The following TPTE2 variants were observed in gnomAD, a reference collection of about 807,000 sequenced individuals.
TPTE2 encodes transmembrane phosphoinositide 3-phosphatase and tensin homolog 2, also known as phosphatidylinositol 3,4,5-trisphosphate 3-phosphatase TPTE2.
Under a neutral mutation model 78.6 loss-of-function variants are expected in TPTE2, and 53 were observed. That is an observed-to-expected ratio of 0.67 (90% CI 0.54 to 0.85). The LOEUF is 0.85. Ranked by LOEUF, TPTE2 falls within the 40% of genes least tolerant of loss-of-function variation. TPTE2 has a pLI of 0.00. For missense variants in TPTE2, 461 were observed against 623.0 expected (o/e 0.74, Z 2.77); for synonymous variants, 175 against 206.2 (o/e 0.85, Z 1.30).
chr13:19,528,469 C>A (rs1417196464), intron 1 of TPTE2, among the ~76,000 whole-genome samples: 1 of 151,712 alleles, frequency 6.6e-6, no homozygotes, highest in Non-Finnish European at 1.5e-5. Flanking sequence ...ATTTGCATAA[C>A]AAATAGTGTG....
At chr13:19,465,519 T>C (rs1362915844) in exon 8 of TPTE2, 40 of 1,610,110 alleles carry the variant, frequency 2.5e-5, no homozygotes, top group Non-Finnish European at 3.1e-5. Context: ...GATGAAAAAT[T>C]CTTATCAGAA....
chr13:19,438,145 C>T lies in TPTE2; in HGVS notation c.982G>A (p.Gly328Arg), dbSNP rs142924803. The T allele has an allele frequency of 5.9e-4, 948 of 1,607,244 alleles. No individual in the cohort carries two copies. The highest frequency in any genetic ancestry group is 7.4e-4 in the Non-Finnish European group (871 of 1,176,072). Residue 328 changes from glycine (G) to arginine (R), a missense_variant, in exon 14 of 20, where the codon GGG (glycine) becomes AGG (arginine). By Grantham distance (125) the Gly-to-Arg change is moderately radical. Coordinates refer to ENST00000400230, the Ensembl canonical transcript of TPTE2. ...ATAAGGAGGGCACAAACCATAGTCC[C>T]GGTTCTTCCTAGAAAAGAAAAGAAG...
At chr13:19,450,938 CCAG>C (rs1363551409) in intron 11 of TPTE2, among the ~76,000 whole-genome samples, 1 of 152,140 alleles carries the variant, frequency 6.6e-6, no homozygotes, top group Non-Finnish European at 1.5e-5. Flanking sequence ...TGCTTCCACT[CCAG>C]CCTCATTGGT....
At chr13:19,556,223 TG>T in the TPTE2 span, among the ~76,000 whole-genome samples, 3 of 152,292 alleles carry the variant, frequency 2.0e-5, no homozygotes, top group African/African-American at 7.2e-5. Flanking sequence ...ATGCAGTTTT[TG>T]CAATACAAGA....
At chr13:19,547,720 C>CATACATACATATATATATATATATAT in the TPTE2 span, among the ~76,000 whole-genome samples, 4 of 118,846 alleles carry the variant, frequency 3.4e-5, no homozygotes, top group African/African-American at 5.5e-5. Flanking sequence ...AATAAATATA[C>CATACATACATATATATATATATATAT]ATATATATAT....
intron 16 of TPTE2, among the ~76,000 whole-genome samples, chr13:19,432,091 ACT>A (rs1876684718): frequency 2.7e-5 from 1 of 36,966 alleles, no homozygotes; most frequent in African/African-American, 6.9e-5. Context: ...ACCAAGGCAA[ACT>A]CTGAACTAGA....
chr13:19,447,282 CAA>C (rs1819911792), intron 13 of TPTE2, among the ~76,000 whole-genome samples: 1 of 151,576 alleles, frequency 6.6e-6, no homozygotes, highest in Non-Finnish European at 1.5e-5. Flanking sequence ...CCCCTCTCAG[CAA>C]AAAAGAAAAA....
chr13:19,473,690 G>A (rs1488813907), intron 6 of TPTE2, among the ~76,000 whole-genome samples: 2 of 146,106 alleles, frequency 1.4e-5, no homozygotes, highest in Non-Finnish European at 3.0e-5. Context: ...CTGCCTCCCA[G>A]GTTCAAACAA....
the TPTE2 span, among the ~76,000 whole-genome samples, chr13:19,557,689 A>G: frequency 1.3e-5 from 2 of 152,162 alleles, no homozygotes; most frequent in Admixed American, 1.3e-4. Flanking sequence ...TATAATGACT[A>G]CCACATTCCT....
the TPTE2 span, chr13:19,560,839 C>T: frequency 3.9e-6 from 6 of 1,554,000 alleles, no homozygotes; most frequent in Admixed American, 1.2e-4. Flanking sequence ...CGCGCTCCCG[C>T]AGGCTCTTGG....
intron 1 of TPTE2, among the ~76,000 whole-genome samples, chr13:19,520,993 G>GTTGTTTTATTGC (rs2137719406): frequency 6.6e-6 from 1 of 152,122 alleles, no homozygotes; most frequent in African/African-American, 2.4e-5. Flanking sequence ...TTTATTGAGA[G>GTTGTTTTATTGC]TTGTTTTATT....
intron 17 of TPTE2, among the ~76,000 whole-genome samples, chr13:19,428,504 G>A (rs1203268452): frequency 6.6e-6 from 1 of 151,718 alleles, no homozygotes; most frequent in East Asian, 1.9e-4. Flanking sequence ...AAACAATGTC[G>A]GGCAGTGTGG....
intron 1 of TPTE2, among the ~76,000 whole-genome samples, chr13:19,509,652 C>T (rs1869299710): frequency 6.6e-6 from 1 of 152,042 alleles, no homozygotes; most frequent in Non-Finnish European, 1.5e-5. Context: ...ACAGGGCCCA[C>T]ATAGGTATTT....
At chr13:19,528,302 G>A (rs544040439) in intron 1 of TPTE2, among the ~76,000 whole-genome samples, 11 of 151,482 alleles carry the variant, frequency 7.3e-5, no homozygotes, top group Admixed American at 1.3e-4. Context: ...CAGGAGAATC[G>A]CTTGAATCCA....
At chr13:19,481,609 G>A (rs982129676) in intron 4 of TPTE2, among the ~76,000 whole-genome samples, 2 of 152,178 alleles carry the variant, frequency 1.3e-5, no homozygotes, top group African/African-American at 4.8e-5. Context: ...TGTTTGGAGT[G>A]GGGAAAGAAG....
upstream of TPTE2, chr13:19,505,871 G>C (rs1001291394): frequency 4.6e-5 from 7 of 151,694 alleles, no homozygotes; most frequent in Non-Finnish European, 8.8e-5. Context: ...CACCAACTTA[G>C]AGTGACAAAT....
intron 10 of TPTE2, among the ~76,000 whole-genome samples, chr13:19,456,204 G>A (rs1878527176): frequency 6.6e-6 from 1 of 152,202 alleles, no homozygotes; most frequent in African/African-American, 2.4e-5. Context: ...GGCCAGGTGT[G>A]GTGGCTCACA....
At chr13:19,463,144 CAACT>C (rs144833325) in intron 10 of TPTE2, among the ~76,000 whole-genome samples, 140,775 of 151,738 alleles carry the variant, frequency 0.93, 65,663 homozygotes, top group East Asian at 1. Context: ...CCACCAAACC[CAACT>C]AATTTTTGTA....
intron 13 of TPTE2, 159 bp from the exon 17 acceptor site, chr13:19,438,312 T>C (rs1877258536): frequency 1.0e-6 from 1 of 985,346 alleles, no homozygotes; most frequent in Non-Finnish European, 1.2e-6. Flanking sequence ...TCTTGGCTCA[T>C]TGCAACCTCC....
Sources: allele counts gnomAD v4.1 joint callset (sites outside exome capture counted in the v4.1 genomes callset), GRCh38; gene constraint gnomAD v4.1.1; transcripts MANE v1.5; gene names NCBI Gene and HGNC (gene_info 2026-07-23, HGNC 2026-07-21).